DEPDC1B: variants seen among roughly 807,000 people sequenced by gnomAD.
DEPDC1B encodes DEP domain containing 1B.
A neutral mutation model predicts 66.5 loss-of-function variants in DEPDC1B; 51 were observed. The ratio of observed to expected loss-of-function variants is 0.77; its 90% CI spans 0.61 to 0.97. DEPDC1B has a LOEUF of 0.97. Among genes scored for constraint, DEPDC1B ranks in the 50% least tolerant of loss-of-function variants. The pLI is 0.00. For missense variants in DEPDC1B, 552 were observed against 637.1 expected, an observed-to-expected ratio of 0.87 and a Z score of 1.44; for synonymous variants, 226 against 223.6, an observed-to-expected ratio of 1.01 and a Z score of -0.10.
At chr5:60,653,727 T>TTCATGTGTTTGTGGTCTATCTTGGAG (rs1347538333) in intron 2 of DEPDC1B, among the ~76,000 whole-genome samples, 2 of 150,458 alleles carry the variant, frequency 1.3e-5, no homozygotes, top group African/African-American at 5.0e-5. Context: ...CTGCGATTTT[T>TTCATGTGTTTGTGGTCTATCTTGGAG]ATGATTTCAG....
At chr5:60,630,431 C>T (rs1218160640) in intron 7 of DEPDC1B, 1 of 152,320 alleles carries the variant, frequency 6.6e-6, no homozygotes, top group African/African-American at 2.4e-5. Context: ...GAGCAGGCAA[C>T]CTGGCCCCAC....
chr5:60,678,115 A>C (rs1754211532), intron 2 of DEPDC1B, among the ~76,000 whole-genome samples: 2 of 152,198 alleles, frequency 1.3e-5, no homozygotes, highest in South Asian at 4.1e-4. Flanking sequence ...AGTTATTAGC[A>C]TATGGTAAAA....
At chr5:60,611,837 G>A (rs1752419476) in intron 7 of DEPDC1B, among the ~76,000 whole-genome samples, 1 of 152,192 alleles carries the variant, frequency 6.6e-6, no homozygotes, top group East Asian at 1.9e-4. Flanking sequence ...AAAGTGCAAG[G>A]TGAAGCAGCA....
chr5:60,613,211 C>A (rs1051914060), intron 7 of DEPDC1B, among the ~76,000 whole-genome samples: 3 of 152,020 alleles, frequency 2.0e-5, no homozygotes, highest in African/African-American at 7.3e-5. Context: ...TTTAAGGGGG[C>A]CTACTTCAAA....
intron 2 of DEPDC1B, among the ~76,000 whole-genome samples, chr5:60,675,911 TTTTTTTG>T (rs1392104105): frequency 4.0e-5 from 6 of 151,684 alleles, no homozygotes; most frequent in Non-Finnish European, 8.9e-5. Flanking sequence ...TTCTTTTTTT[TTTTTTTG>T]TTTTTTGTTT....
At chr5:60,619,695 G>C (rs1459337276) in intron 7 of DEPDC1B, among the ~76,000 whole-genome samples, 1 of 152,204 alleles carries the variant, frequency 6.6e-6, no homozygotes, top group Admixed American at 6.5e-5. Context: ...AATCAATATT[G>C]TGAAAATGGC....
chr5:60,695,282 AGTTTCTG>A (rs1373411384), intron 1 of DEPDC1B, among the ~76,000 whole-genome samples: 1 of 152,180 alleles, frequency 6.6e-6, no homozygotes, highest in Non-Finnish European at 1.5e-5. Context: ...GCATCTGCTC[AGTTTCTG>A]GTGAGGCCTC....
rs529653078 is a variant in DEPDC1B, at chr5:60,673,180, G to A, written c.314+13782C>T. Among the ~76,000 whole-genome samples the A allele has an allele frequency of 1.7e-3, 266 of 152,238 alleles. 2 individuals are homozygous for A. Among genetic ancestry groups the A allele is most frequent in the African/African-American group, 6.2e-3 (258 of 41,524 alleles). ...CACCTGTTGATGCATCAAGACTCAA[G>A]TGTCACCTCTACAGCAAACTATTCT... On this transcript the variant is annotated intron_variant, in intron 2 of 10. Coordinates refer to ENST00000265036, the MANE Select transcript of DEPDC1B (RefSeq NM_018369.3).
At chr5:60,659,104 G>C (rs1753646134) in intron 2 of DEPDC1B, among the ~76,000 whole-genome samples, 1 of 152,150 alleles carries the variant, frequency 6.6e-6, no homozygotes, top group Non-Finnish European at 1.5e-5. Flanking sequence ...GCTTCTAATA[G>C]AGCTATACCA....
At chr5:60,633,959 G>C (rs1752982708) in intron 7 of DEPDC1B, among the ~76,000 whole-genome samples, 1 of 152,170 alleles carries the variant, frequency 6.6e-6, no homozygotes, top group Non-Finnish European at 1.5e-5. Context: ...GAAGCACAAT[G>C]TTGGGTGTGT....
At chr5:60,655,631 C>A (rs2111919720) in intron 2 of DEPDC1B, among the ~76,000 whole-genome samples, 1 of 149,242 alleles carries the variant, frequency 6.7e-6, no homozygotes, top group East Asian at 2.1e-4. Flanking sequence ...TTTAGCTCTG[C>A]TCTGATCTTT....
At chr5:60,640,112 A>G in intron 6 of DEPDC1B, among the ~76,000 whole-genome samples, 1 of 152,234 alleles carries the variant, frequency 6.6e-6, no homozygotes, top group Non-Finnish European at 1.5e-5. Context: ...CTCTTCTTAT[A>G]AAATAATTTG....
At chr5:60,686,222 G>T (rs756398924) in intron 2 of DEPDC1B, among the ~76,000 whole-genome samples, 1 of 152,008 alleles carries the variant, frequency 6.6e-6, no homozygotes, top group African/African-American at 2.4e-5. Flanking sequence ...ACGTAATAAG[G>T]GTCCATATTC....
intron 7 of DEPDC1B, among the ~76,000 whole-genome samples, chr5:60,607,344 C>T (rs187966749): frequency 7.8e-4 from 118 of 152,236 alleles, no homozygotes; most frequent in African/African-American, 2.6e-3. Flanking sequence ...TGATCCTAGA[C>T]GTACTCAGGA....
intron 7 of DEPDC1B, among the ~76,000 whole-genome samples, chr5:60,637,908 C>T (rs1161038588): frequency 1.3e-5 from 2 of 152,054 alleles, no homozygotes; most frequent in African/African-American, 4.8e-5. Context: ...ATGGCAGCAT[C>T]CATAGTTTCC....
intron 2 of DEPDC1B, among the ~76,000 whole-genome samples, chr5:60,662,409 T>C (rs374848489): frequency 3.8e-4 from 57 of 151,240 alleles, no homozygotes; most frequent in African/African-American, 1.4e-3. Context: ...ACTTCCAAAG[T>C]CTGCCGTAGG....
At chr5:60,649,405 G>A (rs1415903025) in intron 2 of DEPDC1B, among the ~76,000 whole-genome samples, 1 of 152,142 alleles carries the variant, frequency 6.6e-6, no homozygotes, top group Admixed American at 6.5e-5. Context: ...TGAGATCTTT[G>A]CTGTCAGTAA....
intron 2 of DEPDC1B, among the ~76,000 whole-genome samples, chr5:60,651,997 T>C (rs1012036157): frequency 6.7e-6 from 1 of 150,366 alleles, no homozygotes; most frequent in African/African-American, 2.5e-5. Context: ...TTTCAGCCTG[T>C]ATGCTGGCCA....
At position 60,611,344 on chromosome 5, in the gene DEPDC1B, C is replaced by T. The variant is rs1331252160; in HGVS notation, c.899-5488G>A. ...TCTCTCTCCCTCCCTTTGGGCCTCT[C>T]TATTCCCTCAGACACAACAATATTG... is the stretch of plus-strand genomic sequence containing the variant. On this transcript the variant is annotated intron_variant, in intron 7 of 10. Coordinates refer to ENST00000265036, the MANE Select transcript of DEPDC1B (RefSeq NM_018369.3). Among the ~76,000 whole-genome samples, 4 of 152,306 alleles carry T rather than the reference C, an allele frequency of 2.6e-5. No individual in the cohort carries two copies. The East Asian group carries it at 7.7e-4, about 29-fold the overall frequency.
Sources: allele counts gnomAD v4.1 joint callset (sites outside exome capture counted in the v4.1 genomes callset), GRCh38; gene constraint gnomAD v4.1.1; transcripts MANE v1.5; gene names NCBI Gene and HGNC (gene_info 2026-07-23, HGNC 2026-07-21).